CA4: variants seen among roughly 807,000 people sequenced by gnomAD.
CA4 encodes CA-IV.
In CA4, 24 loss-of-function variants were observed where a neutral mutation model predicts 34.5. The observed-to-expected ratio is 0.70, with a 90% CI of 0.50 to 0.98. The LOEUF is 0.98. Among genes scored for constraint, CA4 ranks in the 50% least tolerant of loss-of-function variants. CA4 has a pLI of 0.00. For synonymous variants in CA4, 178 were observed against 170.6 expected, an observed-to-expected ratio of 1.04 and a Z score of -0.34; for missense variants, 394 against 396.7, an observed-to-expected ratio of 0.99 and a Z score of 0.06.
rs2229178 is a variant in CA4, at chr17:60,158,411, G to T, written c.709G>T (p.Val237Leu). 4.7e-4 allele frequency: 766 copies of T among 1,614,126 alleles called. 4 individuals are homozygous for T. In the African/African-American group the frequency reaches 9.4e-3, roughly 20 times the overall value. ...PTCDEKVVWT[V>L]FREPIQLHRE... ...CTGCGATGAGAAGGTCGTCTGGACT[G>T]TGTTCCGGGAGCCCATTCAGCTTCA... Residue 237 changes from valine (V) to leucine (L), a missense_variant, in exon 7 of 8, where the codon GTG becomes TTG. By Grantham distance (32) the Val-to-Leu change is conservative. Coordinates refer to ENST00000300900, the MANE Select transcript of CA4 (RefSeq NM_000717.5).
downstream of CA4, chr17:60,159,688 C>T (rs572049071): frequency 6.0e-5 from 35 of 585,930 alleles, no homozygotes; most frequent in Non-Finnish European, 8.8e-5. Context: ...TCCCCACTCC[C>T]GTTCTATGTG....
chr17:60,178,878 C>A, the CA4 span, among the ~76,000 whole-genome samples: 1 of 152,176 alleles, frequency 6.6e-6, no homozygotes, highest in African/African-American at 2.4e-5. Flanking sequence ...TTGTTTTTTA[C>A]TCTGACTCCA....
At chr17:60,175,148 T>TA (rs1413880525), downstream of CA4, among the ~76,000 whole-genome samples, 1 of 148,800 alleles carries the variant, frequency 6.7e-6, no homozygotes, top group Non-Finnish European at 1.5e-5. Flanking sequence ...GCCTCCCGAG[T>TA]AGCTGGGATG....
Position 60,158,391 on chromosome 17 carries a change from A to G in CA4, c.689A>G (p.Asp230Gly). The change falls in exon 7 of 8, where the codon GAT becomes GGT. Residue 230 changes from aspartate (D) to glycine (G), a missense_variant. Physicochemically the swap from Asp to Gly is moderately conservative, Grantham distance 94. Coordinates refer to ENST00000300900, the MANE Select transcript of CA4 (RefSeq NM_000717.5). ...GGCTCACTCACCACACCGACCTGCG[A>G]TGAGAAGGTCGTCTGGACTGTGTTC... ...YLGSLTTPTC[D>G]EKVVWTVFRE... is the part of the protein sequence containing the mutation. 6.2e-7 allele frequency: 1 copy of G among 1,614,138 alleles called. No individual in the cohort carries two copies. The highest frequency in any genetic ancestry group is 8.5e-7 in the Non-Finnish European group (1 of 1,179,988).
intron 3 of CA4, 74 bp from the exon 4 acceptor site, chr17:60,157,353 G>A (rs2145272917): frequency 5.8e-6 from 9 of 1,549,190 alleles, no homozygotes; most frequent in Middle Eastern, 1.7e-4. Flanking sequence ...TCCCATCTGG[G>A]TGAAGCTGGG....
At chr17:60,156,862 CAGG>C (rs939459671) in intron 3 of CA4, 147 bp downstream of exon 3, 4 of 760,124 alleles carry the variant, frequency 5.3e-6, no homozygotes, top group East Asian at 5.2e-5. Flanking sequence ...GGACAGCTTC[CAGG>C]AGGAGAGAGC....
chr17:60,178,839 A>G, the CA4 span, among the ~76,000 whole-genome samples: 3 of 152,260 alleles, frequency 2.0e-5, no homozygotes, highest in African/African-American at 7.2e-5. Flanking sequence ...GTAGCATATC[A>G]TGTCGTCCCT....
At chr17:60,158,994 G>A in intron 7 of CA4, 2 of 581,196 alleles carry the variant, frequency 3.4e-6, no homozygotes, top group Non-Finnish European at 3.1e-6. Context: ...GGCATTGCGG[G>A]CCCCCTGGGG....
intron 1 of CA4, among the ~76,000 whole-genome samples, chr17:60,150,327 G>A (rs2083567779): frequency 6.6e-6 from 1 of 152,320 alleles, no homozygotes; most frequent in African/African-American, 2.4e-5. Context: ...GGGTGTGCGC[G>A]GTGAGGGTGT....
At chr17:60,155,137 C>G (rs1328424622) in intron 1 of CA4, among the ~76,000 whole-genome samples, 177 bp from the exon 2 acceptor site, 3 of 152,190 alleles carry the variant, frequency 2.0e-5, no homozygotes, top group African/African-American at 7.2e-5. Flanking sequence ...TGATCAGCCC[C>G]TGCTTGGTTT....
intron 7 of CA4, chr17:60,158,978 G>A (rs1338844283): frequency 1.4e-5 from 8 of 564,220 alleles, no homozygotes; most frequent in Non-Finnish European, 2.6e-5. Flanking sequence ...AGTGACAAGA[G>A]AAGCAGGCAT....
chr17:60,150,517 A>G (rs140954443), intron 1 of CA4, among the ~76,000 whole-genome samples: 67 of 151,972 alleles, frequency 4.4e-4, no homozygotes, highest in African/African-American at 1.4e-3. Context: ...TACCAAAAAT[A>G]CAAACATTAG....
Position 60,158,079 on chromosome 17 carries a change from G to T in CA4, c.532G>T (p.Glu178Ter). Residue 178 changes from glutamate to a stop codon, truncating the protein, a stop_gained, in exon 6 of 8, where the codon GAG (glutamate) becomes TAG (stop). Coordinates refer to ENST00000300900, the MANE Select transcript of CA4 (RefSeq NM_000717.5). LOFTEE classifies it high-confidence loss of function. ...FLVEAGTQVN[E>*]GFQPLVEALS... ...TTTCCAGGCTGGAACCCAGGTGAAC[G>T]AGGGCTTCCAGCCACTGGTGGAGGC... is the stretch of plus-strand genomic sequence containing the variant. The T allele has an allele frequency of 6.2e-7, 1 of 1,613,912 alleles. No individual in the cohort carries two copies. The highest frequency in any genetic ancestry group is 8.5e-7 in the Non-Finnish European group (1 of 1,179,910).
chr17:60,160,250 T>A (rs1213917806), downstream of CA4, among the ~76,000 whole-genome samples: 1 of 152,152 alleles, frequency 6.6e-6, no homozygotes, highest in Non-Finnish European at 1.5e-5. Flanking sequence ...GGGTGTCATG[T>A]GTGGGGATGG....
At chr17:60,168,511 G>A (rs1318329389) in intron 5 of CA4, among the ~76,000 whole-genome samples, 1 of 121,514 alleles carries the variant, frequency 8.2e-6, no homozygotes, top group Non-Finnish European at 1.7e-5. Context: ...TGGGGGGGCA[G>A]GTGGGGAAGG....
At chr17:60,155,479 C>G in intron 2 of CA4, 112 bp downstream of exon 2, 1 of 717,776 alleles carries the variant, frequency 1.4e-6, no homozygotes, top group Non-Finnish European at 2.4e-6. Context: ...GCTTCCCAGG[C>G]AGATATCAGT....
intron 2 of CA4, among the ~76,000 whole-genome samples, chr17:60,155,946 C>A (rs2083676430): frequency 6.6e-6 from 1 of 152,206 alleles, no homozygotes; most frequent in Non-Finnish European, 1.5e-5. Flanking sequence ...AATTCGAATG[C>A]AAACCCTGCA....
chr17:60,161,888 G>A (rs2083794370), downstream of CA4, among the ~76,000 whole-genome samples: 1 of 152,076 alleles, frequency 6.6e-6, no homozygotes, highest in Admixed American at 6.6e-5. Context: ...AAGGATCAGG[G>A]CTCTGAGGTC....
rs77338323 is a variant in CA4 at position 60,155,282 on chromosome 17, C to T, written c.59-32C>T. The T allele has an allele frequency of 6.0e-4, 960 of 1,604,398 alleles. 4 individuals are homozygous for T. The East Asian group carries it at 0.012, about 21-fold the overall frequency. On this transcript the variant is annotated intron_variant, in intron 1 of 7. Transcript: ENST00000300900. ...GTGTGTGAGCAACAAGACACACGCA[C>T]GCACACTTCACACCCTTCCTCTCTG...
Sources: allele counts gnomAD v4.1 joint callset (sites outside exome capture counted in the v4.1 genomes callset), GRCh38; gene constraint gnomAD v4.1.1; transcripts MANE v1.5; gene names NCBI Gene and HGNC (gene_info 2026-07-23, HGNC 2026-07-21).